ZNF212: variants seen among roughly 807,000 people sequenced by gnomAD.
ZNF212 encodes zinc finger protein 212.
A neutral mutation model predicts 47.3 loss-of-function variants in ZNF212; 32 were observed. The observed-to-expected ratio is 0.68, with a 90% confidence interval of 0.51 to 0.91. ZNF212 has a LOEUF of 0.91. Among genes scored for constraint, ZNF212 ranks in the 40% least tolerant of loss-of-function variants. The pLI, the probability that ZNF212 is intolerant of heterozygous loss-of-function variation, is 0.00. For missense variants in ZNF212, 555 were observed against 622.8 expected, an observed-to-expected ratio of 0.89 and a Z score of 1.16; for synonymous variants, 242 against 253.8, an observed-to-expected ratio of 0.95 and a Z score of 0.44.
Position 149,254,273 on chromosome 7 carries a change from A to G in ZNF212, c.1346A>G (p.His449Arg). The change falls in exon 5 of 5, where the codon CAC (histidine) becomes CGC (arginine). Residue 449 changes from histidine to arginine, a missense_variant. Coordinates refer to ENST00000335870, the MANE Select transcript of ZNF212 (RefSeq NM_012256.4). The surrounding 1 kb of genome is among the most constrained non-coding windows in gnomAD (Gnocchi z 4.5). ...PSDLVRHQRI[H>R]TGERPYSCTE... ...GACTTGGTGCGGCACCAGCGCATCCACACGGGTGAGCGGCCCTACAGCTGC... is the reference window on the plus strand; with the variant it reads ...GACTTGGTGCGGCACCAGCGCATCCGCACGGGTGAGCGGCCCTACAGCTGC... 6.2e-7 allele frequency: 1 copy of G among 1,614,258 alleles called. No homozygotes were observed. The highest frequency in any genetic ancestry group is 8.5e-7 in the Non-Finnish European group (1 of 1,180,050).
At chr7:149,248,749 T>C (rs1796712405) in intron 1 of ZNF212, among the ~76,000 whole-genome samples, 1 of 152,240 alleles carries the variant, frequency 6.6e-6, no homozygotes, top group African/African-American at 2.4e-5. Flanking sequence ...TTTGTTTCGC[T>C]TGTATTTGTC....
intron 1 of ZNF212, among the ~76,000 whole-genome samples, chr7:149,240,695 G>C (rs1159747723): frequency 6.6e-6 from 1 of 152,154 alleles, no homozygotes; most frequent in East Asian, 1.9e-4. Flanking sequence ...GGTTTGCAAC[G>C]GAAGGGGCAG....
intron 3 of ZNF212, chr7:149,251,079 CAT>C (rs1796749660): frequency 2.8e-6 from 1 of 358,914 alleles, no homozygotes; most frequent in Non-Finnish European, 5.1e-6. Context: ...CCTGTGGTCA[CAT>C]AGTCTGTTCT....
At position 149,255,398 on chromosome 7, in the gene ZNF212, A is replaced by G. The variant is rs1796824154; in HGVS notation, c.*983A>G. The G allele has an allele frequency of 6.5e-6, 1 of 153,636 alleles. No homozygotes were observed. Among genetic ancestry groups the G allele is most frequent in the Non-Finnish European group, 1.5e-5 (1 of 68,016 alleles). 9.5% of individuals were successfully genotyped at this position (153,636 alleles called of 1,614,324 possible). A position where few individuals can be genotyped will look rare whatever the true frequency, so the allele number is the denominator to read the frequency against. On this transcript the variant is annotated 3_prime_UTR_variant, in exon 5 of 5. Transcript: ENST00000335870. ...CCAATCCTTACTTGAGGTGGTTCGG[A>G]TTACAGTTTCCAAATGCATTCTGGG...
chr7:149,244,505 G>C (rs1268334619), intron 1 of ZNF212, among the ~76,000 whole-genome samples: 1 of 151,876 alleles, frequency 6.6e-6, no homozygotes, highest in Non-Finnish European at 1.5e-5. Flanking sequence ...AGTAGAGATG[G>C]GGTTTCACCA....
In ZNF212 at chr7:149,254,757, G is replaced by A; in HGVS notation, c.*342G>A. 3.5e-6 allele frequency: 1 copy of A among 288,576 alleles called. No individual in the cohort carries two copies. 17.9% of individuals were successfully genotyped at this position (288,576 alleles called of 1,614,324 possible). A position where few individuals can be genotyped will look rare whatever the true frequency, so the allele number is the denominator to read the frequency against. On this transcript the variant is annotated 3_prime_UTR_variant, in exon 5 of 5. Coordinates refer to ENST00000335870, the MANE Select transcript of ZNF212 (RefSeq NM_012256.4). This position sits in a 1 kb window ranked among gnomAD's most constrained non-coding sequence, Gnocchi z 4.5. ...TCCCGGCATTTCATGTCTTCCCACG[G>A]GGTTGAGTCGGGCCATAGGGGTGAG...
chr7:149,248,699 C>T (rs147632254), intron 1 of ZNF212, among the ~76,000 whole-genome samples: 15 of 152,338 alleles, frequency 9.8e-5, no homozygotes, highest in African/African-American at 3.6e-4. Context: ...AGAAGCAAAA[C>T]AAACATGATG....
chr7:149,250,274 C>T lies in ZNF212; in HGVS notation c.140C>T (p.Ala47Val), dbSNP rs1376397065. ...ATTTCACTCTGGACGGTGGTGGCCG[C>T]TATTCAGGCTGTGGAGAAGAAGATG... is the stretch of plus-strand genomic sequence containing the variant. ...TEISLWTVVA[A>V]IQAVEKKMES... The change falls in exon 2 of 5, where the codon GCT (alanine) becomes GTT (valine). Residue 47 changes from alanine (A) to valine (V), a missense_variant. By Grantham distance (64) the Ala-to-Val change is moderately conservative. Coordinates refer to ENST00000335870, the MANE Select transcript of ZNF212 (RefSeq NM_012256.4). The T allele has an allele frequency of 6.2e-7, 1 of 1,613,480 alleles. No homozygotes were observed. Among genetic ancestry groups the T allele is most frequent in the Admixed American group, 1.7e-5 (1 of 59,936 alleles).
chr7:149,249,500 A>G (rs991741898), intron 1 of ZNF212, among the ~76,000 whole-genome samples: 1 of 152,248 alleles, frequency 6.6e-6, no homozygotes, highest in African/African-American at 2.4e-5. Flanking sequence ...CAGGAGTCTC[A>G]GAGAATATGC....
rs761775036 is a variant in ZNF212, at chr7:149,253,661, G to A, written c.734G>A (p.Ser245Asn). 2 of 1,614,222 alleles carry A rather than the reference G, an allele frequency of 1.2e-6. No individual in the cohort carries two copies. Among genetic ancestry groups the A allele is most frequent in the Non-Finnish European group, 8.5e-7 (1 of 1,180,030 alleles). Reference sequence around the variant, plus strand: ...ATTGCTGAAGAGCAGGCTTTCCTGAGCCCAGAGCAGACCGAACTCTGGGGT... The same window carrying A: ...ATTGCTGAAGAGCAGGCTTTCCTGAACCCAGAGCAGACCGAACTCTGGGGT... ...SCIAEEQAFL[S>N]PEQTELWGGQ... is the part of the protein sequence containing the mutation. Residue 245 changes from serine (S) to asparagine (N), a missense_variant, in exon 5 of 5, where the codon AGC becomes AAC. Transcript: ENST00000335870.
rs761426466 is a variant in ZNF212 at position 149,254,004 on chromosome 7, G to A, written c.1077G>A (p.Leu359=). ...AGAGCCTTAGGCCCAGGCCACGGCTGAAACCACAGACCAAAAAGGCCAAGC... is the reference window on the plus strand; with the variant it reads ...AGAGCCTTAGGCCCAGGCCACGGCTAAAACCACAGACCAAAAAGGCCAAGC... ...PEESLRPRPR[L]KPQTKKAKLH... Residue 359 remains leucine, a synonymous_variant, in exon 5 of 5, where the codon CTG becomes CTA. Transcript: ENST00000335870. The surrounding 1 kb of genome is among the most constrained non-coding windows in gnomAD (Gnocchi z 4.5). 3 of 1,613,436 alleles carry A rather than the reference G, an allele frequency of 1.9e-6. No individual in the cohort carries two copies. Among genetic ancestry groups the A allele is most frequent in the Non-Finnish European group, 2.5e-6 (3 of 1,179,594 alleles).
intron 1 of ZNF212, among the ~76,000 whole-genome samples, chr7:149,249,506 T>G (rs1186107620): frequency 6.6e-6 from 1 of 152,096 alleles, no homozygotes; most frequent in Non-Finnish European, 1.5e-5. Flanking sequence ...TCTCAGAGAA[T>G]ATGCTAAGCA....
rs781089601 is a variant in ZNF212 at position 149,253,561 on chromosome 7, G to A, written c.634G>A (p.Gly212Ser). 10 of 1,596,680 alleles carry A rather than the reference G, an allele frequency of 6.3e-6. No individual in the cohort carries two copies. In the Admixed American group the frequency reaches 1.3e-4, roughly 22 times the overall value. The change falls in exon 5 of 5, where the codon GGT (glycine) becomes AGT (serine). Residue 212 changes from glycine (G) to serine (S), a missense_variant and splice_region_variant. Gly to Ser is a moderately conservative substitution (Grantham distance 56). Coordinates refer to ENST00000335870, the MANE Select transcript of ZNF212 (RefSeq NM_012256.4). ...EEGPGGAHPA[G>S]GVMIKQELQY... ...GTTGGTCTTCTTCCACTTTGCAGCAGGTGGGGTCATGATCAAACAGGAGCT... is the reference window on the plus strand; with the variant it reads ...GTTGGTCTTCTTCCACTTTGCAGCAAGTGGGGTCATGATCAAACAGGAGCT...
intron 4 of ZNF212, among the ~76,000 whole-genome samples, chr7:149,253,002 A>G (rs1796780625): frequency 2.0e-5 from 3 of 152,270 alleles, no homozygotes; most frequent in East Asian, 3.9e-4. Context: ...TAACGGCCAC[A>G]TCAATCATTA....
Position 149,254,614 on chromosome 7 carries a change from G to C in ZNF212, c.*199G>C. The C allele has an allele frequency of 2.6e-6, 2 of 755,190 alleles. No homozygotes were observed. Among genetic ancestry groups the C allele is most frequent in the Non-Finnish European group, 3.9e-6 (2 of 508,414 alleles). The allele number at this position is 755,190 out of a possible 1,614,324, so 46.8% of individuals were successfully genotyped here. ...GTCCAGGCCAGGTCTTCATCCTGCT[G>C]CCAAGTTTGCTGTTTCTTGGCACCT... is the stretch of plus-strand genomic sequence containing the variant. On this transcript the variant is annotated 3_prime_UTR_variant, in exon 5 of 5. Transcript: ENST00000335870. This position sits in a 1 kb window ranked among gnomAD's most constrained non-coding sequence, Gnocchi z 4.5.
intron 1 of ZNF212, among the ~76,000 whole-genome samples, chr7:149,246,661 G>C (rs1045631070): frequency 6.7e-6 from 1 of 149,920 alleles, no homozygotes; most frequent in Non-Finnish European, 1.5e-5. Flanking sequence ...AAGTGCTGGG[G>C]TTATAGGTGT....
intron 1 of ZNF212, among the ~76,000 whole-genome samples, chr7:149,240,832 G>T (rs1326209515): frequency 6.6e-6 from 1 of 152,204 alleles, no homozygotes; most frequent in Non-Finnish European, 1.5e-5. Flanking sequence ...TGAGCAGGGT[G>T]CGCTATATTT....
chr7:149,244,983 T>G (rs1455002130), intron 1 of ZNF212, among the ~76,000 whole-genome samples: 1 of 152,182 alleles, frequency 6.6e-6, no homozygotes, highest in Non-Finnish European at 1.5e-5. Context: ...TGGGGATTAT[T>G]TGTCATACAG....
In ZNF212 at chr7:149,254,429, C is replaced by A; in HGVS notation, c.*14C>A. ...GGCCTGCTTTAAGGGTGCAGCCCCTCGCCCGTCTGGGGGATGGAGGGGGGT... is the reference window on the plus strand; with the variant it reads ...GGCCTGCTTTAAGGGTGCAGCCCCTAGCCCGTCTGGGGGATGGAGGGGGGT... On this transcript the variant is annotated 3_prime_UTR_variant, in exon 5 of 5. Coordinates refer to ENST00000335870, the MANE Select transcript of ZNF212 (RefSeq NM_012256.4). The surrounding 1 kb of genome is among the most constrained non-coding windows in gnomAD (Gnocchi z 4.5). The A allele has an allele frequency of 6.3e-7, 1 of 1,576,422 alleles. No homozygotes were observed.
Sources: gnomAD v4.1 joint callset for allele counts (sites outside exome capture counted in the v4.1 genomes callset) on GRCh38, gnomAD v4.1.1 for gene constraint, Gnocchi (gnomAD v3.1) non-coding constraint, MANE v1.5 for transcripts, NCBI Gene and HGNC (gene_info 2026-07-23, HGNC 2026-07-21) for gene names.